OSBP2: variants seen among roughly 807,000 people sequenced by gnomAD.
OSBP2 encodes the protein oxysterol-binding protein 2.
Under a neutral mutation model 96.0 loss-of-function variants are expected in OSBP2, and 66 were observed. That is an observed-to-expected ratio of 0.69 (90% confidence interval 0.56 to 0.84). The LOEUF is 0.84. Ranked by LOEUF, OSBP2 falls within the 40% of genes least tolerant of loss-of-function variation. The pLI is 0.00. For synonymous variants in OSBP2, 525 were observed against 520.9 expected, an observed-to-expected ratio of 1.01 and a Z score of -0.11; for missense variants, 1,038 against 1,222.7, an observed-to-expected ratio of 0.85 and a Z score of 2.25.
chr22:30,718,077 TG>T (rs1487478839), intron 1 of OSBP2, among the ~76,000 whole-genome samples: 3 of 152,174 alleles, frequency 2.0e-5, no homozygotes. Flanking sequence ...CCTGTTGTGA[TG>T]GCAGAAGTAC....
chr22:30,827,694 A>C (rs2038432863), intron 2 of OSBP2, among the ~76,000 whole-genome samples: 1 of 152,184 alleles, frequency 6.6e-6, no homozygotes, highest in Non-Finnish European at 1.5e-5. Context: ...TGGGCATGGG[A>C]CAAGTCCAGT....
At chr22:30,731,793 GAAT>G (rs2089783830) in intron 1 of OSBP2, among the ~76,000 whole-genome samples, 1 of 152,158 alleles carries the variant, frequency 6.6e-6, no homozygotes, top group Non-Finnish European at 1.5e-5. Flanking sequence ...TTACCAGGAA[GAAT>G]AAAGCAAGAA....
chr22:30,712,268 C>A (rs1338116317), intron 1 of OSBP2, among the ~76,000 whole-genome samples: 1 of 145,300 alleles, frequency 6.9e-6, no homozygotes. Flanking sequence ...TCCCACCTGG[C>A]AGAATGACAT....
At position 30,906,296 on chromosome 22, in the gene OSBP2, C is replaced by T. The variant is rs770060182; in HGVS notation, c.2708C>T (p.Ala903Val). The part of the protein sequence containing the change: ...ACVYKGGYWE[A>V]KEKQDWHMCP... ...GTGTACAAGGGCGGCTACTGGGAGG[C>T]CAAGGAGAAGCAAGACTGGCATATG... is the stretch of plus-strand genomic sequence containing the variant. Residue 903 changes from alanine to valine, a missense_variant, in exon 14 of 14, where the codon GCC becomes GTC. Physicochemically the swap from Ala to Val is moderately conservative, Grantham distance 64. This residue lies in a region of OSBP2 where 737 missense variants were observed against 913.3 expected (regional missense o/e 0.81). Coordinates refer to ENST00000332585, the MANE Select transcript of OSBP2 (RefSeq NM_030758.4). 1 of 1,613,546 alleles carries T rather than the reference C, an allele frequency of 6.2e-7. No individual in the cohort carries two copies. The highest frequency in any genetic ancestry group is 8.5e-7 in the Non-Finnish European group (1 of 1,179,674).
At chr22:30,789,921 T>C (rs557501437) in intron 2 of OSBP2, among the ~76,000 whole-genome samples, 4 of 152,290 alleles carry the variant, frequency 2.6e-5, no homozygotes, top group African/African-American at 9.6e-5. Context: ...TGTGCCATGC[T>C]CTTTGAGGGT....
chr22:30,847,998 T>G (rs753923148), intron 2 of OSBP2, among the ~76,000 whole-genome samples: 7 of 152,190 alleles, frequency 4.6e-5, no homozygotes, highest in South Asian at 2.1e-4. Context: ...AGATACCCTA[T>G]GAAAAGTAAA....
intron 1 of OSBP2, among the ~76,000 whole-genome samples, chr22:30,717,090 TTGTGTGTGTG>T (rs35377469): frequency 3.4e-4 from 40 of 118,412 alleles, no homozygotes; most frequent in African/African-American, 8.9e-4. Flanking sequence ...TTTACTGTTT[TTGTGTGTGTG>T]TGTGTGTGTG....
intron 2 of OSBP2, among the ~76,000 whole-genome samples, chr22:30,794,330 C>G (rs1370914512): frequency 6.8e-6 from 1 of 146,210 alleles, no homozygotes; most frequent in Non-Finnish European, 1.5e-5. Flanking sequence ...GGCACGATCT[C>G]GACTCATTGC....
intron 12 of OSBP2, among the ~76,000 whole-genome samples, chr22:30,904,664 C>T (rs2040289844): frequency 6.6e-6 from 1 of 151,988 alleles, no homozygotes; most frequent in African/African-American, 2.4e-5. Flanking sequence ...AAAGTATGAA[C>T]AAGGCCTGCT....
rs763190138 is a variant in OSBP2, at chr22:30,889,542, G to A, written c.1529G>A (p.Arg510Gln). The change falls in exon 7 of 14, where the codon CGA (arginine) becomes CAA (glutamine). Residue 510 changes from arginine (R) to glutamine (Q), a missense_variant. By Grantham distance (43) the Arg-to-Gln change is conservative. Transcript: ENST00000332585. ...VPKGSSKVKR[R>Q]VRIPNKPNYS... is the part of the protein sequence containing the mutation. Reference sequence around the variant, plus strand: ...AAGGGTTCATCCAAAGTCAAGAGGCGAGTCCGCATTCCCAACAAGCCCAAC... The same window carrying A: ...AAGGGTTCATCCAAAGTCAAGAGGCAAGTCCGCATTCCCAACAAGCCCAAC... 12 of 1,614,076 alleles carry A rather than the reference G, an allele frequency of 7.4e-6. 1 individual carries two copies. The highest frequency in any genetic ancestry group is 4.4e-5 in the South Asian group (4 of 91,070).
chr22:30,831,947 T>C (rs747366138), intron 2 of OSBP2, among the ~76,000 whole-genome samples: 3 of 152,108 alleles, frequency 2.0e-5, no homozygotes, highest in Non-Finnish European at 2.9e-5. Flanking sequence ...CCCATGGCTG[T>C]TTCTGTGCCT....
chr22:30,783,252 C>G lies in OSBP2; in HGVS notation c.853+41883C>G, dbSNP rs183638891. On this transcript the variant is annotated intron_variant, in intron 2 of 13. Coordinates refer to ENST00000332585, the MANE Select transcript of OSBP2 (RefSeq NM_030758.4). Reference sequence around the variant, plus strand: ...TCAGGTTCTGCCTGTTTTCATTCCCCGAAGACATAAAATACCACATCTCAG... The same window carrying G: ...TCAGGTTCTGCCTGTTTTCATTCCCGGAAGACATAAAATACCACATCTCAG... 1.8e-3 allele frequency among the ~76,000 whole-genome samples: 259 copies of G among 144,156 alleles called. 3 individuals are homozygous for G. Among genetic ancestry groups the G allele is most frequent in the African/African-American group, 6.7e-3 (254 of 38,058 alleles). 94.6% of individuals were successfully genotyped at this position (144,156 alleles called of 152,430 possible). A position where few individuals can be genotyped will look rare whatever the true frequency, so the allele number is the denominator to read the frequency against.
chr22:30,831,199 G>A (rs554578540), intron 2 of OSBP2, among the ~76,000 whole-genome samples: 1 of 152,258 alleles, frequency 6.6e-6, no homozygotes, highest in African/African-American at 2.4e-5. Flanking sequence ...GGCGGGTGTG[G>A]ACAACACCTT....
At chr22:30,702,733 A>G (rs903004697) in intron 1 of OSBP2, among the ~76,000 whole-genome samples, 2 of 152,234 alleles carry the variant, frequency 1.3e-5, no homozygotes, top group African/African-American at 4.8e-5. Flanking sequence ...TACTGATCCA[A>G]AGAACCAGGT....
At chr22:30,840,242 C>T (rs1424103370) in intron 2 of OSBP2, among the ~76,000 whole-genome samples, 1 of 146,208 alleles carries the variant, frequency 6.8e-6, no homozygotes, top group African/African-American at 2.5e-5. Context: ...TAAAGTGCAT[C>T]TTGTTGCAAA....
At chr22:30,865,718 C>T (rs2039323518) in intron 2 of OSBP2, among the ~76,000 whole-genome samples, 1 of 151,888 alleles carries the variant, frequency 6.6e-6, no homozygotes, top group African/African-American at 2.4e-5. Flanking sequence ...GGCCTAAGGC[C>T]CTGGTACATG....
chr22:30,884,327 A>G (rs1177376194), intron 3 of OSBP2, among the ~76,000 whole-genome samples: 1 of 152,050 alleles, frequency 6.6e-6, no homozygotes, highest in African/African-American at 2.4e-5. Flanking sequence ...ATGAGCGGAG[A>G]CAGGGCAGCT....
At chr22:30,693,987 G>A (rs2088972080), upstream of OSBP2, 5 of 1,272,846 alleles carry the variant, frequency 3.9e-6, no homozygotes, top group Admixed American at 2.6e-5. Flanking sequence ...AAAAAAAAGC[G>A]GAAAAAAAAA....
At chr22:30,743,670 C>T (rs527860162) in intron 2 of OSBP2, among the ~76,000 whole-genome samples, 3 of 152,254 alleles carry the variant, frequency 2.0e-5, no homozygotes, top group East Asian at 3.9e-4. Context: ...TCCCTGGTTT[C>T]GCTTTTCTAA....
Sources: allele counts gnomAD v4.1 joint callset (sites outside exome capture counted in the v4.1 genomes callset), GRCh38; gene constraint gnomAD v4.1.1; regional missense constraint gnomAD v4.1.1; transcripts MANE v1.5; gene names NCBI Gene and HGNC (gene_info 2026-07-23, HGNC 2026-07-21).